The following NAPEPLD variants were observed in gnomAD, a reference collection of about 807,000 sequenced individuals.
NAPEPLD encodes the protein N-acyl-phosphatidylethanolamine-hydrolyzing phospholipase D.
A neutral mutation model predicts 38.1 loss-of-function variants in NAPEPLD; 23 were observed. The ratio of observed to expected loss-of-function variants is 0.60; its 90% CI spans 0.43 to 0.86. The LOEUF (loss-of-function observed/expected upper bound fraction) is 0.86, where lower values mean the gene tolerates loss of function less well. Ranked by LOEUF, NAPEPLD falls within the 40% of genes least tolerant of loss-of-function variation. The pLI, the probability that NAPEPLD is intolerant of heterozygous loss-of-function variation, is 0.00. For synonymous variants in NAPEPLD, 147 were observed against 162.0 expected (o/e 0.91, Z 0.71); for missense variants, 411 against 476.8 (o/e 0.86, Z 1.28).
At position 103,101,585 on chromosome 7, in the gene NAPEPLD, T is replaced by G. The variant is rs537088326; in HGVS notation, c.*1844A>C. ...GGCAGTGATATCTTAAGAAATCATT[T>G]TCTCCCTTATATTTTCTAAAGTGCT... is the stretch of plus-strand genomic sequence containing the variant. On this transcript the variant is annotated 3_prime_UTR_variant, in exon 5 of 5. Transcript: ENST00000465647. 3.3e-5 allele frequency: 5 copies of G among 152,758 alleles called. No individual in the cohort carries two copies. The South Asian group carries it at 1.0e-3, about 32-fold the overall frequency. The allele number at this position is 152,758 out of a possible 1,614,324, so 9.5% of individuals were successfully genotyped here.
intron 4 of NAPEPLD, among the ~76,000 whole-genome samples, chr7:103,110,503 A>C (rs983158708): frequency 6.6e-6 from 1 of 152,216 alleles, no homozygotes; most frequent in South Asian, 2.1e-4. Context: ...GTCTCAATAG[A>C]AGCAGAAAAG....
intron 3 of NAPEPLD, among the ~76,000 whole-genome samples, chr7:103,117,669 G>T (rs949283981): frequency 2.0e-5 from 3 of 152,074 alleles, no homozygotes; most frequent in Non-Finnish European, 1.5e-5. Context: ...CACATTAGAG[G>T]CTACCACAAT....
Position 103,102,512 on chromosome 7 carries a change from C to CTTTTTTT in NAPEPLD, c.*910_*916dup, listed in dbSNP as rs909240390. 6.8e-6 allele frequency: 1 copy of CTTTTTTT among 147,028 alleles called. No homozygotes were observed. The highest frequency in any genetic ancestry group is 2.5e-5 in the African/African-American group (1 of 40,264). 9.1% of individuals were successfully genotyped at this position (147,028 alleles called of 1,614,324 possible). A position where few individuals can be genotyped will look rare whatever the true frequency, so the allele number is the denominator to read the frequency against. On this transcript the variant is annotated 3_prime_UTR_variant, in exon 5 of 5. Transcript: ENST00000465647. ...CACCTCACCCGGCTTTTTCTTTTTT[C>CTTTTTTT]TTTTTTTTTTTCCGAGAGAGACGGG...
chr7:103,109,570 T>C (rs1475582787), intron 4 of NAPEPLD, among the ~76,000 whole-genome samples: 2 of 152,182 alleles, frequency 1.3e-5, no homozygotes, highest in East Asian at 3.9e-4. Context: ...AGACACAATG[T>C]ACCAGAATCT....
At chr7:103,125,782 A>C (rs1453458421) in intron 2 of NAPEPLD, among the ~76,000 whole-genome samples, 1 of 151,906 alleles carries the variant, frequency 6.6e-6, no homozygotes, top group African/African-American at 2.4e-5. Flanking sequence ...AGCTACTCAC[A>C]AGGCTGAGGC....
At chr7:103,137,108 T>G (rs1052888230) in intron 1 of NAPEPLD, among the ~76,000 whole-genome samples, 2 of 152,116 alleles carry the variant, frequency 1.3e-5, no homozygotes, top group Admixed American at 1.3e-4. Context: ...CCCAACTAAT[T>G]TTTGTATTTT....
rs767589521 is a variant in NAPEPLD at position 103,148,454 on chromosome 7, G to GA, written c.-17+356dup. On this transcript the variant is annotated intron_variant, in intron 1 of 4. Transcript: ENST00000465647. ...TATCTACCATATCGAGCTCTAGCTT[G>GA]AAAAAAAAAAAAAAGGAAAAAACAA... Among the ~76,000 whole-genome samples, 181 of 108,632 alleles carry GA rather than the reference G, an allele frequency of 1.7e-3. 1 individual carries two copies. The highest frequency in any genetic ancestry group is 3.0e-3 in the African/African-American group (91 of 30,188). 71.3% of individuals were successfully genotyped at this position (108,632 alleles called of 152,430 possible).
intron 2 of NAPEPLD, among the ~76,000 whole-genome samples, chr7:103,125,896 T>C (rs1224702424): frequency 6.8e-6 from 1 of 146,660 alleles, no homozygotes; most frequent in Non-Finnish European, 1.5e-5. Context: ...TCAAAAATAA[T>C]AATAATAATA....
intron 2 of NAPEPLD, among the ~76,000 whole-genome samples, chr7:103,124,892 C>T (rs1263946106): frequency 6.6e-6 from 1 of 152,178 alleles, no homozygotes; most frequent in African/African-American, 2.4e-5. Context: ...AAAGACCTCT[C>T]TTTCACTAAG....
intron 2 of NAPEPLD, among the ~76,000 whole-genome samples, chr7:103,123,307 AAC>A (rs763379353): frequency 5.3e-5 from 8 of 152,196 alleles, no homozygotes; most frequent in Non-Finnish European, 8.8e-5. Context: ...TGATTAATGA[AAC>A]ACAGCATGTG....
chr7:103,138,217 A>G (rs949391070), intron 1 of NAPEPLD, among the ~76,000 whole-genome samples: 2 of 152,086 alleles, frequency 1.3e-5, no homozygotes, highest in African/African-American at 4.8e-5. Flanking sequence ...ATGTTCATTT[A>G]CTGTTCCTGA....
chr7:103,140,385 CTCT>C (rs1444588851), intron 1 of NAPEPLD, among the ~76,000 whole-genome samples: 3 of 87,932 alleles, frequency 3.4e-5, no homozygotes, highest in Admixed American at 1.6e-4. Flanking sequence ...ATTCACAGAA[CTCT>C]TTTTTTTTTT....
At chr7:103,149,537 G>A, upstream of NAPEPLD, 3 of 1,241,594 alleles carry the variant, frequency 2.4e-6, no homozygotes, top group African/African-American at 1.6e-5. Flanking sequence ...GAATCTGACA[G>A]CAGGGCCAGC....
At chr7:103,129,792 G>A (rs574866855) in intron 1 of NAPEPLD, among the ~76,000 whole-genome samples, 26 of 152,250 alleles carry the variant, frequency 1.7e-4, no homozygotes, top group Non-Finnish European at 3.4e-4. Flanking sequence ...ATAAAATGGA[G>A]AGAACGTTAC....
chr7:103,134,438 T>A (rs2129532937), intron 1 of NAPEPLD, among the ~76,000 whole-genome samples: 1 of 152,168 alleles, frequency 6.6e-6, no homozygotes, highest in East Asian at 1.9e-4. Context: ...TCACCTCAGG[T>A]CGGGAGTTCG....
In NAPEPLD at chr7:103,125,812, G is replaced by A. The variant is rs377029974; in HGVS notation, c.294+2671C>T. Among the ~76,000 whole-genome samples the A allele has an allele frequency of 3.2e-4, 49 of 151,906 alleles. 1 individual carries two copies. The East Asian group carries it at 8.3e-3, about 26-fold the overall frequency. On this transcript the variant is annotated intron_variant, in intron 2 of 4. Transcript: ENST00000465647. ...TGAGGCAGAAGAATCACTTGAACCC[G>A]GGAGGCAGAGGTTGCAGTGAGCCAA...
chr7:103,135,826 C>T (rs959690314), intron 1 of NAPEPLD, among the ~76,000 whole-genome samples: 1 of 152,048 alleles, frequency 6.6e-6, no homozygotes, highest in Non-Finnish European at 1.5e-5. Context: ...AACTGGACTC[C>T]AGTTCTACTA....
At chr7:103,138,715 C>A (rs1432517143) in intron 1 of NAPEPLD, among the ~76,000 whole-genome samples, 3 of 152,190 alleles carry the variant, frequency 2.0e-5, no homozygotes, top group African/African-American at 7.2e-5. Context: ...GGTGATCCAC[C>A]CGCCTCGGCC....
At chr7:103,118,236 T>C (rs1443367673) in intron 3 of NAPEPLD, among the ~76,000 whole-genome samples, 1 of 152,226 alleles carries the variant, frequency 6.6e-6, no homozygotes, top group East Asian at 1.9e-4. Flanking sequence ...ACCAATTTTA[T>C]GTTACAAATA....
Sources: gnomAD v4.1 joint callset for allele counts (sites outside exome capture counted in the v4.1 genomes callset) on GRCh38, gnomAD v4.1.1 for gene constraint, MANE v1.5 for transcripts, NCBI Gene and HGNC (gene_info 2026-07-23, HGNC 2026-07-21) for gene names.